ELAVL4: variants seen among roughly 807,000 people sequenced by gnomAD.
ELAVL4 encodes the protein ELAV-like protein 4.
Under a neutral mutation model 35.6 loss-of-function variants are expected in ELAVL4, and 1 was observed. That is an observed-to-expected ratio of 0.03 (90% CI 0.01 to 0.13). The LOEUF is 0.13. Among genes scored for constraint, ELAVL4 ranks in the 10% least tolerant of loss-of-function variants. ELAVL4 has a pLI of 1.00. For missense variants in ELAVL4, 267 were observed against 464.9 expected (o/e 0.57, Z 3.91); for synonymous variants, 156 against 171.0 (o/e 0.91, Z 0.69).
At chr1:50,152,411 AAC>A (rs139606475) in intron 2 of ELAVL4, among the ~76,000 whole-genome samples, 31 of 147,970 alleles carry the variant, frequency 2.1e-4, no homozygotes, top group Non-Finnish European at 2.4e-4. Context: ...TTCTTCCCCC[AAC>A]ACACACACAC....
chr1:50,159,002 T>A (rs1676251125), intron 2 of ELAVL4, among the ~76,000 whole-genome samples: 1 of 145,722 alleles, frequency 6.9e-6, no homozygotes, highest in South Asian at 2.1e-4. Flanking sequence ...ATTGTGCCAC[T>A]GCACTCCAGC....
intron 3 of ELAVL4, among the ~76,000 whole-genome samples, chr1:50,183,336 G>A (rs1681342204): frequency 6.6e-6 from 1 of 152,120 alleles, no homozygotes; most frequent in Admixed American, 6.5e-5. Context: ...AGGGGTAAAA[G>A]AGCTGCTCCT....
intron 2 of ELAVL4, among the ~76,000 whole-genome samples, chr1:50,151,134 T>A (rs966832835): frequency 1.3e-5 from 2 of 152,160 alleles, no homozygotes; most frequent in Admixed American, 1.3e-4. Flanking sequence ...GCTTCCAAGT[T>A]AAGGGAGGTG....
chr1:50,173,726 A>G (rs1285316702), intron 2 of ELAVL4, among the ~76,000 whole-genome samples: 3 of 152,232 alleles, frequency 2.0e-5, no homozygotes, highest in African/African-American at 7.2e-5. Flanking sequence ...AGACTCATAA[A>G]TTGGGAACAA....
At chr1:50,101,050 G>A (rs1665951615), upstream of ELAVL4, among the ~76,000 whole-genome samples, 2 of 151,522 alleles carry the variant, frequency 1.3e-5, no homozygotes, top group Non-Finnish European at 2.9e-5. Flanking sequence ...TTACAGATGA[G>A]GAAATTGAGG....
chr1:50,082,021 A>G (rs1665033808), intron 1 of ELAVL4, among the ~76,000 whole-genome samples: 1 of 152,138 alleles, frequency 6.6e-6, no homozygotes, highest in South Asian at 2.1e-4. Context: ...GTCCATTTTT[A>G]TGACTGCATA....
At chr1:50,178,964 C>CTT (rs34330798) in intron 3 of ELAVL4, among the ~76,000 whole-genome samples, 205 of 147,410 alleles carry the variant, frequency 1.4e-3, no homozygotes, top group African/African-American at 4.0e-3. Flanking sequence ...TTCCATTTTG[C>CTT]TTTTTTTTTT....
rs556370195 is a variant in ELAVL4 at position 50,131,881 on chromosome 1, A to G, written c.10-13076A>G. ...AAAGATAAATTCAGAAGTAAAATTT[A>G]TGTTTAAAAAAAAAAAAAAAACCAG... On this transcript the variant is annotated intron_variant, in intron 1 of 6. Coordinates refer to ENST00000371824, the MANE Select transcript of ELAVL4 (RefSeq NM_001144774.3). Among the ~76,000 whole-genome samples the G allele has an allele frequency of 2.7e-5, 4 of 150,220 alleles. No homozygotes were observed. In the South Asian group the frequency reaches 8.5e-4, roughly 32 times the overall value.
chr1:50,076,321 A>G (rs1031997329), intron 1 of ELAVL4, among the ~76,000 whole-genome samples: 37 of 152,214 alleles, frequency 2.4e-4, no homozygotes, highest in African/African-American at 8.7e-4. Context: ...AATGCTACAT[A>G]CAGTAAGATA....
In ELAVL4 at chr1:50,195,499, C is replaced by T. The variant is rs919988804; in HGVS notation, c.509-62C>T. ...ACAATATCCACAGGACCCATCTCTT[C>T]CCAAAGATGTTTACCAGTTTGGTGT... On this transcript the variant is annotated intron_variant, in intron 4 of 6. Coordinates refer to ENST00000371824, the MANE Select transcript of ELAVL4 (RefSeq NM_001144774.3). The T allele has an allele frequency of 1.1e-5, 17 of 1,575,348 alleles. No individual in the cohort carries two copies. The African/African-American group carries it at 1.5e-4, about 14-fold the overall frequency.
upstream of ELAVL4, among the ~76,000 whole-genome samples, chr1:50,100,594 T>C (rs10888679): frequency 0.32 from 47,945 of 152,092 alleles, 8,320 homozygotes; most frequent in East Asian, 0.74. Context: ...TAACACTTAA[T>C]TTTGGTATTC....
intron 1 of ELAVL4, among the ~76,000 whole-genome samples, chr1:50,126,957 AC>A (rs1670030793): frequency 6.6e-6 from 1 of 151,928 alleles, no homozygotes; most frequent in Non-Finnish European, 1.5e-5. Context: ...AATTTATTTG[AC>A]CCCCTTGATC....
chr1:50,163,179 G>A (rs12024093), intron 2 of ELAVL4, among the ~76,000 whole-genome samples: 34,089 of 152,044 alleles, frequency 0.22, 3,897 homozygotes, highest in East Asian at 0.35. Flanking sequence ...TTGCCTGGCT[G>A]TCTCCTGTCA....
upstream of ELAVL4, among the ~76,000 whole-genome samples, chr1:50,104,982 A>C (rs1174717981): frequency 6.6e-6 from 1 of 152,192 alleles, no homozygotes; most frequent in Non-Finnish European, 1.5e-5. Flanking sequence ...CGGGAAAAAG[A>C]ACAGCAATGG....
At chr1:50,050,204 A>C (rs1231573823) in intron 1 of ELAVL4, among the ~76,000 whole-genome samples, 1 of 152,232 alleles carries the variant, frequency 6.6e-6, no homozygotes, top group African/African-American at 2.4e-5. Flanking sequence ...TTATATATGT[A>C]CAGTGCCTGC....
chr1:50,119,082 AAG>A (rs1668572983), intron 1 of ELAVL4, among the ~76,000 whole-genome samples: 1 of 134,848 alleles, frequency 7.4e-6, no homozygotes, highest in African/African-American at 2.9e-5. Flanking sequence ...GAAAGAAAGA[AAG>A]AAAGAAAGAA....
intron 2 of ELAVL4, among the ~76,000 whole-genome samples, chr1:50,166,579 G>T (rs1380240174): frequency 6.6e-6 from 1 of 152,182 alleles, no homozygotes; most frequent in Non-Finnish European, 1.5e-5. Context: ...CACCTCAGCA[G>T]GTCATGGTTT....
At chr1:50,139,297 A>G (rs1463508401) in intron 1 of ELAVL4, among the ~76,000 whole-genome samples, 1 of 152,216 alleles carries the variant, frequency 6.6e-6, no homozygotes, top group African/African-American at 2.4e-5. Flanking sequence ...AACAAAACAG[A>G]TGTGATCTCT....
intron 1 of ELAVL4, among the ~76,000 whole-genome samples, chr1:50,131,284 C>T (rs1670811687): frequency 6.6e-6 from 1 of 151,970 alleles, no homozygotes; most frequent in Non-Finnish European, 1.5e-5. Context: ...TTTATCATGT[C>T]TTTTTTATAA....
Sources: allele counts gnomAD v4.1 joint callset (sites outside exome capture counted in the v4.1 genomes callset), GRCh38; gene constraint gnomAD v4.1.1; transcripts MANE v1.5; gene names NCBI Gene and HGNC (gene_info 2026-07-23, HGNC 2026-07-21).